Variants in MACROD2 observed in about 807,000 individuals in gnomAD.
MACROD2 encodes mono-ADP ribosylhydrolase 2.
A neutral mutation model predicts 70.4 loss-of-function variants in MACROD2; 36 were observed. That is an observed-to-expected ratio of 0.51 (90% confidence interval 0.39 to 0.68). The LOEUF is 0.68. MACROD2 is among the 30% of genes least tolerant of loss of function. MACROD2 has a pLI of 0.00. For missense variants in MACROD2, 496 were observed against 538.4 expected (o/e 0.92, Z 0.78); for synonymous variants, 172 against 178.8 (o/e 0.96, Z 0.30).
chr20:14,410,543 C>T (rs924277637), intron 3 of MACROD2, among the ~76,000 whole-genome samples: 7 of 152,148 alleles, frequency 4.6e-5, no homozygotes, highest in African/African-American at 1.4e-4. Flanking sequence ...ATGTCAACTG[C>T]ATGTTGCTGC....
rs139369692 is a variant in MACROD2, at chr20:15,731,700, C to G, written c.646-131045C>G. Among the ~76,000 whole-genome samples, 116 of 58,166 alleles carry G rather than the reference C, an allele frequency of 2.0e-3. 46 individuals are homozygous for G. Among genetic ancestry groups the G allele is most frequent in the African/African-American group, 5.3e-3 (110 of 20,924 alleles). 38.2% of individuals were successfully genotyped at this position (58,166 alleles called of 152,430 possible). A position where few individuals can be genotyped will look rare whatever the true frequency, so the allele number is the denominator to read the frequency against. On this transcript the variant is annotated intron_variant, in intron 8 of 17. Transcript: ENST00000684519. ...ATGGCATTGCAGAGAGGTGCACATGCGTCGCCTGGGGCAGGATACTGGCAG... is the reference window on the plus strand; with the variant it reads ...ATGGCATTGCAGAGAGGTGCACATGGGTCGCCTGGGGCAGGATACTGGCAG...
At chr20:15,630,028 T>C (rs1187508426) in intron 8 of MACROD2, among the ~76,000 whole-genome samples, 2 of 152,206 alleles carry the variant, frequency 1.3e-5, no homozygotes, top group Non-Finnish European at 2.9e-5. Flanking sequence ...GTGATAAGGC[T>C]AGATAACATA....
intron 3 of MACROD2, among the ~76,000 whole-genome samples, chr20:14,490,469 C>G (rs1235170198): frequency 6.6e-6 from 1 of 152,140 alleles, no homozygotes; most frequent in Admixed American, 6.5e-5. Flanking sequence ...TGCATTGAAT[C>G]AATCTTTGAG....
chr20:15,540,300 G>A (rs2047938191), intron 8 of MACROD2, among the ~76,000 whole-genome samples: 1 of 152,182 alleles, frequency 6.6e-6, no homozygotes, highest in Admixed American at 6.5e-5. Context: ...ATTAGGACAT[G>A]TATCCTACAG....
chr20:15,111,882 G>C (rs2075958200), intron 5 of MACROD2, among the ~76,000 whole-genome samples: 1 of 152,216 alleles, frequency 6.6e-6, no homozygotes. Context: ...GCCAGGTGCT[G>C]TTAGGGCACC....
chr20:14,471,214 C>T lies in MACROD2; in HGVS notation c.272-22265C>T, dbSNP rs1394886483. ...CCCTTGGGCTTCCCGGATGAGGCAA[C>T]GCTCCACCCTGCTTCGGCTAGCCCT... On this transcript the variant is annotated intron_variant, in intron 3 of 17. Transcript: ENST00000684519. 4.6e-5 allele frequency among the ~76,000 whole-genome samples: 7 copies of T among 152,160 alleles called. No homozygotes were observed. In the East Asian group the frequency reaches 5.8e-4, roughly 13 times the overall value.
intron 5 of MACROD2, among the ~76,000 whole-genome samples, chr20:15,066,166 C>T (rs539819032): frequency 6.6e-5 from 10 of 150,726 alleles, no homozygotes; most frequent in Non-Finnish European, 1.2e-4. Flanking sequence ...GAGTCTCGCT[C>T]TGTCACCCAG....
At chr20:14,062,750 C>G (rs903952021) in intron 2 of MACROD2, among the ~76,000 whole-genome samples, 1 of 152,092 alleles carries the variant, frequency 6.6e-6, no homozygotes, top group South Asian at 2.1e-4. Flanking sequence ...TTGGATGTGA[C>G]TTAGAGTTTA....
intron 2 of MACROD2, among the ~76,000 whole-genome samples, chr20:14,083,156 G>A (rs1394454296): frequency 6.6e-6 from 1 of 150,676 alleles, no homozygotes; most frequent in Non-Finnish European, 1.5e-5. Flanking sequence ...TTTTGGCCAG[G>A]TGTGGTGGCT....
chr20:16,040,443 A>G (rs1377363580), intron 15 of MACROD2, among the ~76,000 whole-genome samples: 2 of 152,008 alleles, frequency 1.3e-5, no homozygotes, highest in Admixed American at 6.6e-5. Flanking sequence ...CACTTTATGT[A>G]TGTATTTGTA....
At chr20:15,005,925 TTAAAA>T (rs1192267632) in intron 5 of MACROD2, among the ~76,000 whole-genome samples, 2 of 152,150 alleles carry the variant, frequency 1.3e-5, no homozygotes, top group Non-Finnish European at 2.9e-5. Context: ...TATGATTTAA[TTAAAA>T]TAAAGGATTT....
intron 5 of MACROD2, among the ~76,000 whole-genome samples, chr20:14,824,624 G>A (rs2072882299): frequency 6.6e-6 from 1 of 152,026 alleles, no homozygotes; most frequent in African/African-American, 2.4e-5. Context: ...TTCACAGAAT[G>A]GCAGCTGATT....
At chr20:15,280,658 G>T (rs949879455) in intron 6 of MACROD2, 1 of 152,126 alleles carries the variant, frequency 6.6e-6, no homozygotes, top group Non-Finnish European at 1.5e-5. Context: ...TTATTTCCTT[G>T]GTCTTCATTA....
At chr20:14,337,168 A>G (rs185371274) in intron 3 of MACROD2, among the ~76,000 whole-genome samples, 81 of 152,322 alleles carry the variant, frequency 5.3e-4, no homozygotes, top group Non-Finnish European at 8.8e-5. Context: ...CTCAAGACAG[A>G]AAATAGCCAC....
chr20:15,044,117 G>C, intron 5 of MACROD2, among the ~76,000 whole-genome samples: 1 of 152,280 alleles, frequency 6.6e-6, no homozygotes, highest in Non-Finnish European at 1.5e-5. Flanking sequence ...ATGGAGGTTG[G>C]AAGGTGGGGC....
chr20:14,624,417 G>T, intron 4 of MACROD2, among the ~76,000 whole-genome samples: 1 of 152,186 alleles, frequency 6.6e-6, no homozygotes, highest in East Asian at 1.9e-4. Context: ...GAGCTGGATA[G>T]CAAGTTCATG....
At chr20:14,552,603 A>G (rs903760238) in intron 4 of MACROD2, among the ~76,000 whole-genome samples, 1 of 152,028 alleles carries the variant, frequency 6.6e-6, no homozygotes, top group African/African-American at 2.4e-5. Flanking sequence ...TGAACATCAT[A>G]GAGTGAACCG....
At chr20:14,624,492 A>G (rs1984016567) in intron 4 of MACROD2, among the ~76,000 whole-genome samples, 1 of 152,240 alleles carries the variant, frequency 6.6e-6, no homozygotes, top group South Asian at 2.1e-4. Context: ...AAACCCCAGT[A>G]GGAAAATGAC....
intron 2 of MACROD2, among the ~76,000 whole-genome samples, chr20:14,061,179 A>G (rs1312176545): frequency 6.6e-6 from 1 of 152,124 alleles, no homozygotes; most frequent in Non-Finnish European, 1.5e-5. Context: ...ATATTTTTGC[A>G]TGTAGGTACA....
Sources: gnomAD v4.1 joint callset for allele counts (sites outside exome capture counted in the v4.1 genomes callset) on GRCh38, gnomAD v4.1.1 for gene constraint, MANE v1.5 for transcripts, NCBI Gene and HGNC (gene_info 2026-07-23, HGNC 2026-07-21) for gene names.